EHMT1: variants seen among roughly 807,000 people sequenced by gnomAD.
The protein encoded by EHMT1 is euchromatic histone lysine methyltransferase 1.
A neutral mutation model predicts 147.2 loss-of-function variants in EHMT1; 15 were observed. The observed-to-expected ratio is 0.10, with a 90% confidence interval of 0.07 to 0.16. The LOEUF (loss-of-function observed/expected upper bound fraction) is 0.16, where lower values mean the gene tolerates loss of function less well. EHMT1 is among the 10% of genes least tolerant of loss of function. The pLI is 1.00. For missense variants in EHMT1, 1,587 were observed against 1,772.4 expected (o/e 0.90, Z 1.88); for synonymous variants, 795 against 709.6 (o/e 1.12, Z -1.91).
At chr9:137,766,781 G>A (rs1010920290) in intron 10 of EHMT1, among the ~76,000 whole-genome samples, 5 of 152,068 alleles carry the variant, frequency 3.3e-5, no homozygotes, top group African/African-American at 1.2e-4. Flanking sequence ...TGGCTTTCTT[G>A]TAGACAGCAT....
intron 17 of EHMT1, 118 bp downstream of exon 17, chr9:137,799,032 C>G: frequency 1.2e-6 from 1 of 843,564 alleles, no homozygotes; most frequent in Non-Finnish European, 2.0e-6. Context: ...CGCACAGAGC[C>G]AGCTCGGGCC....
intron 10 of EHMT1, among the ~76,000 whole-genome samples, chr9:137,765,128 T>G (rs1386303084): frequency 1.3e-5 from 2 of 152,248 alleles, no homozygotes; most frequent in East Asian, 3.8e-4. Context: ...GCATCCATTG[T>G]TTCATTCAAA....
chr9:137,777,843 G>C, intron 12 of EHMT1, 39 bp from the exon 13 acceptor site: 1 of 1,609,878 alleles, frequency 6.2e-7, no homozygotes, highest in Non-Finnish European at 8.5e-7. Flanking sequence ...GCCATGTTTC[G>C]TGTTTTCATA....
intron 10 of EHMT1, among the ~76,000 whole-genome samples, chr9:137,766,282 C>T (rs1244237387): frequency 1.3e-5 from 2 of 152,148 alleles, no homozygotes; most frequent in Admixed American, 1.3e-4. Flanking sequence ...CTGATTTTAT[C>T]ATTTATTATT....
At chr9:137,817,742 A>G (rs917339039) in intron 24 of EHMT1, 5 of 654,824 alleles carry the variant, frequency 7.6e-6, no homozygotes, top group Non-Finnish European at 1.1e-5. Context: ...TGCATTTAAG[A>G]AGGCGTGGTC....
In EHMT1 at chr9:137,777,898, C is replaced by T; in HGVS notation, c.2035C>T (p.Leu679Phe). Residue 679 changes from leucine to phenylalanine, a missense_variant, in exon 13 of 27, where the codon CTC becomes TTC. By Grantham distance (22) the Leu-to-Phe change is conservative. Coordinates refer to ENST00000460843, the MANE Select transcript of EHMT1 (RefSeq NM_024757.5). ...TTTGSAAGPP[L>F]SEDDKLQGAA... ...CCCCTGAAGTGCTGCCGGGCCACCA[C>T]TCTCGGAGGACGACAAGCTGCAGGG... is the stretch of plus-strand genomic sequence containing the variant. 1.2e-6 allele frequency: 2 copies of T among 1,613,464 alleles called. No individual in the cohort carries two copies. Among genetic ancestry groups the T allele is most frequent in the Non-Finnish European group, 1.7e-6 (2 of 1,180,044 alleles).
At chr9:137,771,302 T>G (rs1441224082) in intron 10 of EHMT1, among the ~76,000 whole-genome samples, 1 of 150,488 alleles carries the variant, frequency 6.6e-6, no homozygotes, top group Non-Finnish European at 1.5e-5. Context: ...TGAGTTCAAG[T>G]AGTTCTTGTG....
At chr9:137,677,939 G>A (rs1564575175) in intron 1 of EHMT1, among the ~76,000 whole-genome samples, 4 of 151,294 alleles carry the variant, frequency 2.6e-5, no homozygotes, top group Admixed American at 1.3e-4. Context: ...CGTGGCGGCG[G>A]GCGCCTGTAG....
At chr9:137,817,891 C>T in intron 24 of EHMT1, 169 bp from the exon 25 acceptor site, 1 of 706,056 alleles carries the variant, frequency 1.4e-6, no homozygotes, top group Non-Finnish European at 2.5e-6. Flanking sequence ...CCTCCGGACC[C>T]TCAGCTGAAA....
chr9:137,711,789 A>C (rs1053990380), intron 2 of EHMT1, among the ~76,000 whole-genome samples: 4 of 152,046 alleles, frequency 2.6e-5, no homozygotes, highest in African/African-American at 7.2e-5. Context: ...TCCACAGTGA[A>C]GGGAGAGTGG....
chr9:137,752,468 G>C (rs1949044650), intron 7 of EHMT1, 60 bp downstream of exon 7: 2 of 1,573,464 alleles, frequency 1.3e-6, no homozygotes, highest in Admixed American at 3.6e-5. Flanking sequence ...AAAGACACCA[G>C]CGTCCTTCAG....
chr9:137,691,146 C>T (rs1478983026), intron 1 of EHMT1, among the ~76,000 whole-genome samples: 1 of 151,966 alleles, frequency 6.6e-6, no homozygotes. Flanking sequence ...TATTTCCTGT[C>T]TCTAAGACTT....
chr9:137,624,029 TTACCCTGTTG>T (rs1290680260), intron 1 of EHMT1, among the ~76,000 whole-genome samples: 3 of 149,756 alleles, frequency 2.0e-5, no homozygotes, highest in Non-Finnish European at 3.0e-5. Flanking sequence ...AGATGGAGTC[TTACCCTGTTG>T]CCCAGGCTGG....
At chr9:137,710,796 C>T (rs1380160802) in intron 1 of EHMT1, among the ~76,000 whole-genome samples, 171 bp from the exon 2 acceptor site, 1 of 152,122 alleles carries the variant, frequency 6.6e-6, no homozygotes, top group Non-Finnish European at 1.5e-5. Context: ...TTCTGAATGC[C>T]AGTTCTTCTG....
intron 1 of EHMT1, among the ~76,000 whole-genome samples, chr9:137,662,822 C>G (rs1044589022): frequency 6.7e-6 from 1 of 149,074 alleles, no homozygotes; most frequent in Admixed American, 6.7e-5. Flanking sequence ...TTGACAGAGT[C>G]TTGCTCTGTC....
Position 137,743,442 on chromosome 9 carries a change from G to C in EHMT1, c.895G>C (p.Val299Leu), listed in dbSNP as rs1422581962. Reference sequence around the variant, plus strand: ...ACGAAGAATGGGAACCTATAGCCTGGTTCCTAAGAAAAAGACCAAAGTATT... The same window carrying C: ...ACGAAGAATGGGAACCTATAGCCTGCTTCCTAAGAAAAAGACCAAAGTATT... ...KKRRMGTYSLVPKKKTKVLKQ... is the reference protein window; with the variant it reads ...KKRRMGTYSLLPKKKTKVLKQ... Residue 299 changes from valine to leucine, a missense_variant, in exon 5 of 27, where the codon GTT (valine) becomes CTT (leucine). Val to Leu is a conservative substitution (Grantham distance 32). Around this residue, in one of 7 missense-constraint regions of EHMT1, gnomAD observed 810 missense variants for 673.0 expected, o/e 1.20. Transcript: ENST00000460843. The C allele has an allele frequency of 6.2e-7, 1 of 1,613,490 alleles. No individual in the cohort carries two copies. Among genetic ancestry groups the C allele is most frequent in the Non-Finnish European group, 8.5e-7 (1 of 1,179,978 alleles).
chr9:137,683,006 C>T (rs577760608), intron 1 of EHMT1, among the ~76,000 whole-genome samples: 2 of 152,346 alleles, frequency 1.3e-5, no homozygotes, highest in South Asian at 4.1e-4. Flanking sequence ...TCTGGGTTTG[C>T]AGGATTTTCG....
chr9:137,716,129 GTGT>G (rs754831668), intron 2 of EHMT1, among the ~76,000 whole-genome samples: 7 of 10,178 alleles, frequency 6.9e-4, no homozygotes, highest in Non-Finnish European at 7.1e-4. Flanking sequence ...GGAGGAAGTT[GTGT>G]TGGTGTCATG....
intron 1 of EHMT1, among the ~76,000 whole-genome samples, chr9:137,646,140 A>T (rs1468559583): frequency 2.6e-5 from 4 of 151,962 alleles, no homozygotes; most frequent in Admixed American, 6.6e-5. Context: ...TTGTATTTTA[A>T]ATAGGGATGG....
Sources: gnomAD v4.1 joint callset for allele counts (sites outside exome capture counted in the v4.1 genomes callset) on GRCh38, gnomAD v4.1.1 for gene constraint, gnomAD v4.1.1 regional missense constraint, MANE v1.5 for transcripts, NCBI Gene and HGNC (gene_info 2026-07-23, HGNC 2026-07-21) for gene names.